ATPAF1: variants seen among roughly 807,000 people sequenced by gnomAD.
ATPAF1 encodes the protein ATP synthase mitochondrial F1 complex assembly factor 1, also known as homolog of yeast ATP11.
In ATPAF1, 26 loss-of-function variants were observed where a neutral mutation model predicts 43.9. The observed-to-expected ratio is 0.59, with a 90% CI of 0.43 to 0.82. The LOEUF is 0.82. Among genes scored for constraint, ATPAF1 ranks in the 40% least tolerant of loss-of-function variants. The pLI is 0.00. For synonymous variants in ATPAF1, 157 were observed against 168.0 expected, an observed-to-expected ratio of 0.93 and a Z score of 0.50; for missense variants, 366 against 435.0, an observed-to-expected ratio of 0.84 and a Z score of 1.41.
intron 6 of ATPAF1, among the ~76,000 whole-genome samples, 183 bp from the exon 7 acceptor site, chr1:46,645,439 G>A (rs1473407330): frequency 2.0e-5 from 3 of 151,980 alleles, no homozygotes; most frequent in African/African-American, 4.8e-5. Context: ...ACAGCTCACC[G>A]CAGTCTTGAT....
chr1:46,653,935 GAC>G lies in ATPAF1; in HGVS notation c.490-70_490-69del. On this transcript the variant is annotated intron_variant, in intron 4 of 8. Transcript: ENST00000574428. This position sits in a 1 kb window ranked among gnomAD's most constrained non-coding sequence, Gnocchi z 4.8. ...TTTTCAACATGTGCCAAGAAATGGT[GAC>G]AGTTTTCATTGCTCAGAGGAATATG... The G allele has an allele frequency of 1.4e-6, 2 of 1,472,168 alleles. No individual in the cohort carries two copies. The highest frequency in any genetic ancestry group is 1.9e-6 in the Non-Finnish European group (2 of 1,060,270). 91.2% of individuals were successfully genotyped at this position (1,472,168 alleles called of 1,614,324 possible). A position where few individuals can be genotyped will look rare whatever the true frequency, so the allele number is the denominator to read the frequency against.
downstream of ATPAF1, chr1:46,633,677 T>C (rs539917997): frequency 2.0e-5 from 9 of 455,182 alleles, no homozygotes; most frequent in African/African-American, 1.4e-4. Flanking sequence ...CATTTATCCA[T>C]GGACACATCC....
intron 6 of ATPAF1, among the ~76,000 whole-genome samples, chr1:46,651,377 A>C (rs1328170798): frequency 6.6e-6 from 1 of 151,830 alleles, no homozygotes; most frequent in Non-Finnish European, 1.5e-5. Context: ...TATGTGCCAC[A>C]TTTTCTTAAT....
At chr1:46,634,763 T>C (rs1675806590), downstream of ATPAF1, 1 of 152,564 alleles carries the variant, frequency 6.6e-6, no homozygotes, top group Non-Finnish European at 1.5e-5. Context: ...AAACGAAAGA[T>C]GGGTTTCCAG....
At chr1:46,665,233 C>T (rs1379388043) in intron 2 of ATPAF1, 23 bp downstream of exon 2, 6 of 1,611,724 alleles carry the variant, frequency 3.7e-6, no homozygotes, top group Admixed American at 3.3e-5. Context: ...TAAGCAAACA[C>T]CACAAATGGG....
chr1:46,666,324 C>G (rs927939446), intron 1 of ATPAF1: 4 of 152,966 alleles, frequency 2.6e-5, no homozygotes, highest in African/African-American at 9.7e-5. Context: ...ATGGCACCTG[C>G]CTGGCCAGAG....
chr1:46,655,923 T>C lies in ATPAF1; in HGVS notation c.490-2056A>G, dbSNP rs151051815. On this transcript the variant is annotated intron_variant, in intron 4 of 8. Transcript: ENST00000574428. ...GATATGCTACTTCATAATAAGATCA[T>C]TTGCATATGGATCTATTTCCCTCAC... Among the ~76,000 whole-genome samples, 208 of 152,326 alleles carry C rather than the reference T, an allele frequency of 1.4e-3. 2 individuals carry two copies. The highest frequency in any genetic ancestry group is 4.8e-3 in the African/African-American group (201 of 41,572).
chr1:46,657,997 A>C, intron 4 of ATPAF1, 130 bp downstream of exon 4: 1 of 853,162 alleles, frequency 1.2e-6, no homozygotes, highest in Non-Finnish European at 1.9e-6. Context: ...TCTTCAAGTA[A>C]TTCATCACTT....
chr1:46,658,484 T>C (rs1326593101), intron 3 of ATPAF1, among the ~76,000 whole-genome samples: 2 of 151,900 alleles, frequency 1.3e-5, no homozygotes, highest in African/African-American at 4.8e-5. Context: ...GAAAGTTTGG[T>C]TGTTATTTTT....
intron 3 of ATPAF1, among the ~76,000 whole-genome samples, 171 bp from the exon 4 acceptor site, chr1:46,658,360 T>C (rs1399096809): frequency 1.3e-5 from 2 of 152,160 alleles, no homozygotes; most frequent in Non-Finnish European, 2.9e-5. Flanking sequence ...CCCCCAAGCC[T>C]AGACAGGTTT....
chr1:46,647,517 C>T (rs1421382675), intron 6 of ATPAF1, among the ~76,000 whole-genome samples: 1 of 152,040 alleles, frequency 6.6e-6, no homozygotes, highest in Non-Finnish European at 1.5e-5. Flanking sequence ...CACACACACA[C>T]ACACACATGC....
At chr1:46,650,363 G>GAAA (rs60817653) in intron 6 of ATPAF1, among the ~76,000 whole-genome samples, 32 of 139,208 alleles carry the variant, frequency 2.3e-4, no homozygotes, top group Middle Eastern at 3.6e-3. Context: ...ATCTCTAAAT[G>GAAA]AAAAAAAAAA....
intron 8 of ATPAF1, among the ~76,000 whole-genome samples, chr1:46,642,367 G>GT (rs1473723991): frequency 6.6e-6 from 1 of 152,204 alleles, no homozygotes; most frequent in Non-Finnish European, 1.5e-5. Flanking sequence ...AGTGTCCACT[G>GT]TTTGGGGACA....
chr1:46,648,161 G>C (rs1373377024), intron 6 of ATPAF1, among the ~76,000 whole-genome samples: 1 of 152,030 alleles, frequency 6.6e-6, no homozygotes, highest in Non-Finnish European at 1.5e-5. Flanking sequence ...AGCTAGTCTG[G>C]AGTGCTGTGG....
At chr1:46,642,061 G>T (rs968072684) in intron 8 of ATPAF1, among the ~76,000 whole-genome samples, 1 of 152,112 alleles carries the variant, frequency 6.6e-6, no homozygotes, top group African/African-American at 2.4e-5. Context: ...TTCCTGTTAG[G>T]CCTATTCCTC....
chr1:46,665,620 A>C, intron 1 of ATPAF1: 5 of 1,510,026 alleles, frequency 3.3e-6, no homozygotes, highest in Non-Finnish European at 4.4e-6. Context: ...CTAGGTTTAC[A>C]CAGGGCTTAG....
At chr1:46,633,623 T>C (rs1675788074), downstream of ATPAF1, 2 of 407,720 alleles carry the variant, frequency 4.9e-6, no homozygotes, top group Non-Finnish European at 9.4e-6. Flanking sequence ...TCTAGGTAAA[T>C]AAATATAAAG....
chr1:46,643,311 G>A lies in ATPAF1; in HGVS notation c.685-10C>T, dbSNP rs758105632. 1.3e-6 allele frequency: 2 copies of A among 1,595,762 alleles called. No homozygotes were observed. The highest frequency in any genetic ancestry group is 1.3e-5 in the African/African-American group (1 of 74,472). On this transcript the variant is annotated splice_polypyrimidine_tract_variant and intron_variant, in intron 7 of 8. Transcript: ENST00000574428. ...CAGCTTCCCCTCGGGTCTGCAAGGT[G>A]GAACACTTATCAAGGCTCAATAAGG...
At chr1:46,645,013 A>T in intron 7 of ATPAF1, 148 bp downstream of exon 7, 1 of 675,888 alleles carries the variant, frequency 1.5e-6, no homozygotes, top group Admixed American at 2.8e-5. Context: ...AAACTAGTCC[A>T]ACACAAAAAG....
Sources: allele counts gnomAD v4.1 joint callset (sites outside exome capture counted in the v4.1 genomes callset), GRCh38; gene constraint gnomAD v4.1.1; non-coding constraint Gnocchi (gnomAD v3.1); transcripts MANE v1.5; gene names NCBI Gene and HGNC (gene_info 2026-07-23, HGNC 2026-07-21).